Variants in BICC1 observed in about 807,000 individuals in gnomAD.
BICC1 encodes BicC family RNA binding protein 1.
A neutral mutation model predicts 111.0 loss-of-function variants in BICC1; 43 were observed. That is an observed-to-expected ratio of 0.39 (90% CI 0.30 to 0.50). BICC1 has a LOEUF of 0.50. Ranked by LOEUF, BICC1 falls within the 20% of genes least tolerant of loss-of-function variation. BICC1 has a pLI of 0.88. For missense variants in BICC1, 1,091 were observed against 1,203.2 expected, an observed-to-expected ratio of 0.91 and a Z score of 1.38; for synonymous variants, 467 against 434.4, an observed-to-expected ratio of 1.07 and a Z score of -0.93.
At chr10:58,540,361 A>G (rs1208480068) in intron 1 of BICC1, among the ~76,000 whole-genome samples, 3 of 151,976 alleles carry the variant, frequency 2.0e-5, no homozygotes, top group Non-Finnish European at 2.9e-5. Flanking sequence ...AACAAAATCA[A>G]CAGTTCCATA....
At chr10:58,650,065 C>A (rs1239132237) in intron 2 of BICC1, 1 of 152,068 alleles carries the variant, frequency 6.6e-6, no homozygotes, top group Non-Finnish European at 1.5e-5. Context: ...TGTAATATAA[C>A]CTTATCATTT....
At chr10:58,785,329 T>C (rs1031054461) in intron 4 of BICC1, among the ~76,000 whole-genome samples, 2 of 152,166 alleles carry the variant, frequency 1.3e-5, no homozygotes, top group Admixed American at 1.3e-4. Flanking sequence ...TACATACATA[T>C]ATATGTATCG....
At chr10:58,702,194 G>A (rs546099526) in intron 3 of BICC1, 51 bp downstream of exon 3, 7 of 1,435,852 alleles carry the variant, frequency 4.9e-6, no homozygotes, top group African/African-American at 1.4e-5. Context: ...TGAGATTATG[G>A]AATTACTGCA....
intron 2 of BICC1, among the ~76,000 whole-genome samples, chr10:58,652,081 T>C (rs1010529874): frequency 2.0e-5 from 3 of 152,206 alleles, no homozygotes; most frequent in Non-Finnish European, 2.9e-5. Context: ...GTTGGAGGCA[T>C]TGATACTGAG....
At chr10:58,579,472 C>T (rs915332194) in intron 1 of BICC1, among the ~76,000 whole-genome samples, 2 of 152,166 alleles carry the variant, frequency 1.3e-5, no homozygotes, top group African/African-American at 4.8e-5. Context: ...ACAGCGTTAA[C>T]AATCCACGTG....
chr10:58,580,723 C>G (rs559668370), intron 1 of BICC1, among the ~76,000 whole-genome samples: 5 of 152,230 alleles, frequency 3.3e-5, no homozygotes, highest in African/African-American at 1.2e-4. Context: ...GTTTTTGGCT[C>G]TACCTGCTAC....
chr10:58,743,310 A>T lies in BICC1; in HGVS notation c.307+41167A>T, dbSNP rs144587307. 8.5e-5 allele frequency among the ~76,000 whole-genome samples: 13 copies of T among 152,202 alleles called. 1 individual carries two copies. The East Asian group carries it at 2.5e-3, about 29-fold the overall frequency. ...AAATACTATCTCCAGGTCTCTCATCAATACCAGTCTGGCTGTCACTTTTCT... is the reference window on the plus strand; with the variant it reads ...AAATACTATCTCCAGGTCTCTCATCTATACCAGTCTGGCTGTCACTTTTCT... On this transcript the variant is annotated intron_variant, in intron 3 of 20. Coordinates refer to ENST00000373886, the MANE Select transcript of BICC1 (RefSeq NM_001080512.3).
At chr10:58,648,537 T>C (rs1588970225) in intron 2 of BICC1, 2 of 985,254 alleles carry the variant, frequency 2.0e-6, no homozygotes, top group African/African-American at 1.7e-5. Flanking sequence ...AATATGTCTG[T>C]TGCTTTCAAA....
At chr10:58,828,381 C>T (rs979138491) in intron 20 of BICC1, among the ~76,000 whole-genome samples, 4 of 152,172 alleles carry the variant, frequency 2.6e-5, no homozygotes, top group African/African-American at 9.7e-5. Context: ...ACGAGCTTAG[C>T]TTGTTCTCCT....
chr10:58,658,090 C>T (rs997974550), intron 2 of BICC1, among the ~76,000 whole-genome samples: 1 of 152,120 alleles, frequency 6.6e-6, no homozygotes, highest in Non-Finnish European at 1.5e-5. Context: ...CACCATTATC[C>T]CCTTTGTAAT....
chr10:58,778,807 T>C (rs1332489799), intron 3 of BICC1, among the ~76,000 whole-genome samples: 1 of 152,232 alleles, frequency 6.6e-6, no homozygotes, highest in East Asian at 1.9e-4. Context: ...GCTTTAACTA[T>C]GTGTGGCTTG....
intron 1 of BICC1, among the ~76,000 whole-genome samples, chr10:58,565,087 T>TCA (rs1843715838): frequency 9.6e-4 from 2 of 2,094 alleles, no homozygotes; most frequent in Non-Finnish European, 6.1e-3. Context: ...CTCCTGGGTA[T>TCA]CGTGAATATT....
chr10:58,739,721 A>C (rs1049767780), intron 3 of BICC1, among the ~76,000 whole-genome samples: 3 of 152,288 alleles, frequency 2.0e-5, no homozygotes, highest in African/African-American at 7.2e-5. Flanking sequence ...ATCAAAATCT[A>C]TATATAGATA....
chr10:58,559,245 T>TA (rs1843540224), intron 1 of BICC1, among the ~76,000 whole-genome samples: 1 of 151,954 alleles, frequency 6.6e-6, no homozygotes, highest in African/African-American at 2.4e-5. Flanking sequence ...TGCTGAGAAA[T>TA]ACTAAAATTA....
At chr10:58,529,693 A>G (rs1842631758) in intron 1 of BICC1, among the ~76,000 whole-genome samples, 1 of 151,782 alleles carries the variant, frequency 6.6e-6, no homozygotes, top group South Asian at 2.1e-4. Context: ...TTATATGGGA[A>G]AAGAAAACCT....
intron 10 of BICC1, 43 bp from the exon 11 acceptor site, chr10:58,798,356 C>T: frequency 6.9e-7 from 1 of 1,448,310 alleles, no homozygotes; most frequent in South Asian, 1.5e-5. Context: ...ATTTTAAAAT[C>T]TTAAATTTAT....
At chr10:58,766,497 C>G (rs1472320645) in intron 3 of BICC1, among the ~76,000 whole-genome samples, 1 of 152,118 alleles carries the variant, frequency 6.6e-6, no homozygotes, top group Non-Finnish European at 1.5e-5. Context: ...ATCTCCTGAA[C>G]TGAAGGATCT....
intron 3 of BICC1, among the ~76,000 whole-genome samples, chr10:58,732,536 T>C (rs1841349338): frequency 2.7e-5 from 4 of 150,422 alleles, no homozygotes; most frequent in Admixed American, 2.6e-4. Context: ...ATCCCAGAAC[T>C]CTGGGAGGCT....
At chr10:58,527,523 C>T (rs1354429651) in intron 1 of BICC1, among the ~76,000 whole-genome samples, 2 of 152,106 alleles carry the variant, frequency 1.3e-5, no homozygotes, top group African/African-American at 2.4e-5. Flanking sequence ...ATAGTATTGT[C>T]TAGGTTTTCT....
Sources: allele counts gnomAD v4.1 joint callset (sites outside exome capture counted in the v4.1 genomes callset), GRCh38; gene constraint gnomAD v4.1.1; transcripts MANE v1.5; gene names NCBI Gene and HGNC (gene_info 2026-07-23, HGNC 2026-07-21).